Variants in CALN1 observed in about 807,000 individuals in gnomAD.
CALN1 encodes the protein calneuron 1, also known as calcium-binding protein 8.
Under a neutral mutation model 30.6 loss-of-function variants are expected in CALN1, and 17 were observed. That is an observed-to-expected ratio of 0.56 (90% CI 0.38 to 0.83). The LOEUF (loss-of-function observed/expected upper bound fraction) is 0.83, where lower values mean the gene tolerates loss of function less well. Ranked by LOEUF, CALN1 falls within the 40% of genes least tolerant of loss-of-function variation. The pLI, the probability that CALN1 is intolerant of heterozygous loss-of-function variation, is 0.00. For synonymous variants in CALN1, 156 were observed against 131.4 expected (o/e 1.19, Z -1.28); for missense variants, 291 against 354.9 (o/e 0.82, Z 1.45).
intron 5 of CALN1, among the ~76,000 whole-genome samples, chr7:72,009,683 G>A (rs1413955683): frequency 1.3e-5 from 2 of 152,164 alleles, no homozygotes; most frequent in Non-Finnish European, 2.9e-5. Context: ...CATAGGGGTG[G>A]TTTCCCCCAT....
intron 3 of CALN1, among the ~76,000 whole-genome samples, chr7:72,208,939 G>GTTTC (rs1005130574): frequency 5.9e-5 from 9 of 152,000 alleles, no homozygotes; most frequent in Admixed American, 2.6e-4. Context: ...GTCATGTTCT[G>GTTTC]TTTCTTTCTT....
intron 5 of CALN1, among the ~76,000 whole-genome samples, chr7:71,955,990 AT>A (rs10541876): frequency 0.31 from 44,870 of 145,296 alleles, 6,828 homozygotes; most frequent in Admixed American, 0.37. Flanking sequence ...TATGTTCTGG[AT>A]TTTTTTTTTT....
intron 3 of CALN1, among the ~76,000 whole-genome samples, chr7:72,225,863 C>T (rs557925798): frequency 1.3e-5 from 2 of 152,082 alleles, no homozygotes; most frequent in South Asian, 2.1e-4. Flanking sequence ...TTTGGGAGGC[C>T]GAGGCAGGCA....
chr7:71,806,526 C>T (rs745906327), intron 6 of CALN1, among the ~76,000 whole-genome samples: 18 of 152,136 alleles, frequency 1.2e-4, no homozygotes, highest in Non-Finnish European at 2.2e-4. Context: ...AGGCTGGTCT[C>T]GAACTCCTGA....
chr7:72,166,357 A>G (rs368885834), intron 3 of CALN1, among the ~76,000 whole-genome samples: 32 of 152,204 alleles, frequency 2.1e-4, no homozygotes, highest in African/African-American at 5.1e-4. Context: ...ATGAGCCATC[A>G]TGCCTATCAC....
chr7:72,065,144 AAATATT>A (rs983349835), intron 4 of CALN1, among the ~76,000 whole-genome samples: 1 of 116,730 alleles, frequency 8.6e-6, no homozygotes, highest in African/African-American at 2.6e-5. Flanking sequence ...TTATATTTTA[AAATATT>A]AATATTAAAA....
rs949573209 is a variant in CALN1 at position 72,177,083 on chromosome 7, C to T, written c.245-70789G>A. Among the ~76,000 whole-genome samples, 12 of 152,114 alleles carry T rather than the reference C, an allele frequency of 7.9e-5. No individual in the cohort carries two copies. In the East Asian group the frequency reaches 1.9e-3, roughly 24 times the overall value. ...GTCTCCTGCTGAAACAGTGAGGAGG[C>T]GGGATGCGTGGGTGTAATCCTTAAA... On this transcript the variant is annotated intron_variant, in intron 3 of 6. Coordinates refer to ENST00000395275, the MANE Select transcript of CALN1 (RefSeq NM_031468.4).
chr7:71,836,558 T>C (rs1217494818), intron 5 of CALN1, among the ~76,000 whole-genome samples: 1 of 152,064 alleles, frequency 6.6e-6, no homozygotes, highest in East Asian at 1.9e-4. Flanking sequence ...TCAGGAACTG[T>C]TTCTGGCTCA....
chr7:72,340,079 G>A (rs1041914646), intron 2 of CALN1, among the ~76,000 whole-genome samples: 2 of 152,198 alleles, frequency 1.3e-5, no homozygotes, highest in Non-Finnish European at 2.9e-5. Context: ...AGGGAACTGA[G>A]GACTAAACTC....
At chr7:72,338,469 C>CTG (rs1562903665) in intron 2 of CALN1, among the ~76,000 whole-genome samples, 78 of 41,944 alleles carry the variant, frequency 1.9e-3, no homozygotes, top group African/African-American at 5.4e-3. Context: ...GCCAGCAGCA[C>CTG]AGTGTGTGTG....
intron 1 of CALN1, among the ~76,000 whole-genome samples, chr7:72,443,412 G>A (rs931613896): frequency 1.3e-5 from 2 of 152,110 alleles, no homozygotes; most frequent in South Asian, 2.1e-4. Context: ...TGAAGTGCCC[G>A]CCTTTCACGC....
At chr7:72,095,620 A>G (rs1192162945) in intron 4 of CALN1, among the ~76,000 whole-genome samples, 1 of 152,162 alleles carries the variant, frequency 6.6e-6, no homozygotes, top group East Asian at 1.9e-4. Context: ...TTCACTCCCT[A>G]GAGAGACTCT....
intron 1 of CALN1, among the ~76,000 whole-genome samples, chr7:72,438,547 T>C (rs1808248598): frequency 6.6e-6 from 1 of 152,184 alleles, no homozygotes; most frequent in Admixed American, 6.5e-5. Flanking sequence ...TTTTCTCCCT[T>C]CCCATGAGAA....
intron 5 of CALN1, among the ~76,000 whole-genome samples, chr7:71,817,813 C>A (rs1343710779): frequency 6.6e-6 from 1 of 152,018 alleles, no homozygotes; most frequent in African/African-American, 2.4e-5. Context: ...TGCACCCGGC[C>A]ATATTTATAT....
intron 5 of CALN1, among the ~76,000 whole-genome samples, chr7:71,812,186 A>T (rs1787998257): frequency 6.6e-6 from 1 of 152,182 alleles, no homozygotes; most frequent in Admixed American, 6.5e-5. Context: ...ATCACAATGG[A>T]CAGCTCACGT....
the CALN1 span, among the ~76,000 whole-genome samples, chr7:72,454,783 G>A: frequency 6.4e-3 from 969 of 150,594 alleles, 13 homozygotes; most frequent in Non-Finnish European, 8.9e-3. Flanking sequence ...CCTCCTCTCC[G>A]TTCCCACTGC....
intron 2 of CALN1, among the ~76,000 whole-genome samples, chr7:72,334,642 C>T (rs1226907534): frequency 2.6e-5 from 4 of 152,196 alleles, no homozygotes; most frequent in African/African-American, 9.7e-5. Context: ...TATCCTGCAC[C>T]CTAGCCGAAG....
At chr7:72,418,602 G>A (rs1168262115) in intron 1 of CALN1, among the ~76,000 whole-genome samples, 4 of 151,992 alleles carry the variant, frequency 2.6e-5, no homozygotes, top group African/African-American at 7.2e-5. Context: ...CTGGACAATC[G>A]CCCTCTGTAG....
chr7:71,941,373 G>A (rs1255886644), intron 5 of CALN1, among the ~76,000 whole-genome samples: 1 of 151,022 alleles, frequency 6.6e-6, no homozygotes, highest in African/African-American at 2.4e-5. Context: ...AAGAATTTCT[G>A]TTCAATAAGG....
Sources: gnomAD v4.1 joint callset for allele counts (sites outside exome capture counted in the v4.1 genomes callset) on GRCh38, gnomAD v4.1.1 for gene constraint, MANE v1.5 for transcripts, NCBI Gene and HGNC (gene_info 2026-07-23, HGNC 2026-07-21) for gene names.